The following NEK7 variants were observed in gnomAD, a reference collection of about 807,000 sequenced individuals.
NEK7 encodes NIMA related kinase 7, also known as serine/threonine-protein kinase Nek7.
A neutral mutation model predicts 44.6 loss-of-function variants in NEK7; 18 were observed. The ratio of observed to expected loss-of-function variants is 0.40; its 90% confidence interval spans 0.28 to 0.60. NEK7 has a LOEUF of 0.60. NEK7 is among the 20% of genes least tolerant of loss of function. NEK7 has a pLI of 0.38. For synonymous variants in NEK7, 130 were observed against 121.1 expected (o/e 1.07, Z -0.48); for missense variants, 256 against 366.5 (o/e 0.70, Z 2.46).
At chr1:198,172,056 G>A (rs1664464857) in intron 1 of NEK7, among the ~76,000 whole-genome samples, 1 of 152,120 alleles carries the variant, frequency 6.6e-6, no homozygotes, top group Non-Finnish European at 1.5e-5. Context: ...AGTTCTTTTT[G>A]TATTCCCAGC....
chr1:198,193,124 A>C (rs977786383), intron 1 of NEK7, among the ~76,000 whole-genome samples: 2 of 152,090 alleles, frequency 1.3e-5, no homozygotes, highest in Non-Finnish European at 2.9e-5. Flanking sequence ...AATAAGGGGA[A>C]TATCACCACT....
intron 1 of NEK7, among the ~76,000 whole-genome samples, chr1:198,169,603 T>C (rs1249499896): frequency 6.6e-6 from 1 of 151,890 alleles, no homozygotes; most frequent in Admixed American, 6.6e-5. Flanking sequence ...TTTTTTTTTT[T>C]TTGGAAAATT....
intron 9 of NEK7, among the ~76,000 whole-genome samples, chr1:198,312,057 C>A (rs1404557563): frequency 6.6e-6 from 1 of 152,156 alleles, no homozygotes; most frequent in East Asian, 1.9e-4. Context: ...GGCTGTAAAT[C>A]CATCTGGTCC....
Position 198,320,402 on chromosome 1 carries a change from G to A in NEK7, c.*880G>A, listed in dbSNP as rs944203728. On this transcript the variant is annotated 3_prime_UTR_variant, in exon 10 of 10. Transcript: ENST00000367385. ...TTTAAGTGCATTTTAACTCATAATT[G>A]TACACTATAATATAAGCCTAAGTTT... 11 of 151,900 alleles carry A rather than the reference G, an allele frequency of 7.2e-5. No individual in the cohort carries two copies. Among genetic ancestry groups the A allele is most frequent in the African/African-American group, 2.7e-4 (11 of 41,346 alleles). The allele number at this position is 151,900 out of a possible 1,614,324, so 9.4% of individuals were successfully genotyped here.
At chr1:198,292,845 GGT>G in intron 7 of NEK7, 98 bp from the exon 8 acceptor site, 1 of 735,962 alleles carries the variant, frequency 1.4e-6, no homozygotes, top group Non-Finnish European at 2.4e-6. Flanking sequence ...GAATTATTTT[GGT>G]GATGTTTTTA....
intron 2 of NEK7, among the ~76,000 whole-genome samples, chr1:198,251,212 C>A (rs888703048): frequency 2.6e-5 from 4 of 151,876 alleles, no homozygotes; most frequent in African/African-American, 4.8e-5. Flanking sequence ...AGCCTTGCAT[C>A]CCAGTGATGA....
intron 1 of NEK7, among the ~76,000 whole-genome samples, chr1:198,188,097 C>T (rs955786202): frequency 2.6e-5 from 4 of 152,138 alleles, no homozygotes; most frequent in Non-Finnish European, 5.9e-5. Flanking sequence ...TTAGGGAATC[C>T]TTGTTTTAAT....
chr1:198,306,056 C>G lies in NEK7; in HGVS notation c.798+8816C>G, dbSNP rs146886211. 4.7e-3 allele frequency among the ~76,000 whole-genome samples: 708 copies of G among 152,196 alleles called. 9 individuals are homozygous for G. Among genetic ancestry groups the G allele is most frequent in the African/African-American group, 0.016 (684 of 41,510 alleles). On this transcript the variant is annotated intron_variant, in intron 9 of 9. Coordinates refer to ENST00000367385, the MANE Select transcript of NEK7 (RefSeq NM_133494.3). ...CAAATCCAGGCTTTGCCCCTTATGCCTTTGTGGCCTTAGGAATGTTACTAC... is the reference window on the plus strand; with the variant it reads ...CAAATCCAGGCTTTGCCCCTTATGCGTTTGTGGCCTTAGGAATGTTACTAC...
At chr1:198,199,788 T>C (rs1326339465) in intron 1 of NEK7, among the ~76,000 whole-genome samples, 3 of 152,176 alleles carry the variant, frequency 2.0e-5, no homozygotes, top group African/African-American at 7.2e-5. Flanking sequence ...GTGTTTCTTT[T>C]TCATCTTTCA....
chr1:198,295,769 A>G (rs1654698524), intron 8 of NEK7, among the ~76,000 whole-genome samples: 1 of 151,276 alleles, frequency 6.6e-6, no homozygotes, highest in Non-Finnish European at 1.5e-5. Flanking sequence ...TTTTAAGGTA[A>G]GATCTTAAAG....
chr1:198,191,865 A>C (rs541610255), intron 1 of NEK7, among the ~76,000 whole-genome samples: 1 of 152,158 alleles, frequency 6.6e-6, no homozygotes, highest in African/African-American at 2.4e-5. Flanking sequence ...ATAACCAGCT[A>C]TCCTGATACC....
intron 1 of NEK7, among the ~76,000 whole-genome samples, chr1:198,231,086 G>T (rs1015647562): frequency 6.6e-6 from 1 of 151,104 alleles, no homozygotes; most frequent in African/African-American, 2.4e-5. Flanking sequence ...AATCAGACAC[G>T]TAATTAAGTA....
At chr1:198,306,566 A>G (rs1251409909) in intron 9 of NEK7, among the ~76,000 whole-genome samples, 1 of 152,170 alleles carries the variant, frequency 6.6e-6, no homozygotes, top group African/African-American at 2.4e-5. Context: ...TCATGATGGC[A>G]GGAGCACAAA....
chr1:198,277,094 C>G (rs1401776891), intron 5 of NEK7, among the ~76,000 whole-genome samples: 2 of 151,622 alleles, frequency 1.3e-5, no homozygotes, highest in Non-Finnish European at 3.0e-5. Flanking sequence ...ATGCAATATT[C>G]ATGTTGGTCA....
At position 198,176,985 on chromosome 1, in the gene NEK7, A is replaced by G. The variant is rs577170725; in HGVS notation, c.-29+19709A>G. On this transcript the variant is annotated intron_variant, in intron 1 of 9. Transcript: ENST00000367385. ...ACAGGTTTATAAATCGTCAGTATGT[A>G]GGAGGCAGGTTATGTCCAGCTGAAA... Among the ~76,000 whole-genome samples the G allele has an allele frequency of 7.9e-5, 12 of 152,268 alleles. No individual in the cohort carries two copies. In the East Asian group the frequency reaches 1.7e-3, roughly 22 times the overall value.
intron 1 of NEK7, among the ~76,000 whole-genome samples, chr1:198,192,709 G>A (rs936520599): frequency 1.3e-5 from 2 of 152,150 alleles, no homozygotes; most frequent in African/African-American, 2.4e-5. Context: ...GCTCCTGAAT[G>A]ACTCCTGGGT....
At chr1:198,305,941 G>T (rs1245309346) in intron 9 of NEK7, among the ~76,000 whole-genome samples, 1 of 152,116 alleles carries the variant, frequency 6.6e-6, no homozygotes, top group African/African-American at 2.4e-5. Context: ...GGCCGTGAGG[G>T]ACCCTGCAGA....
chr1:198,246,337 A>G (rs1461746179), intron 2 of NEK7, among the ~76,000 whole-genome samples: 3 of 152,230 alleles, frequency 2.0e-5, no homozygotes, highest in African/African-American at 4.8e-5. Context: ...AGCAGATGAG[A>G]CAAGCTGTCA....
At chr1:198,189,566 G>C (rs1040863202) in intron 1 of NEK7, among the ~76,000 whole-genome samples, 18 of 152,034 alleles carry the variant, frequency 1.2e-4, no homozygotes, top group African/African-American at 4.3e-4. Context: ...TTTTCGGCCT[G>C]GGTTGAACAA....
Sources: allele counts gnomAD v4.1 joint callset (sites outside exome capture counted in the v4.1 genomes callset), GRCh38; gene constraint gnomAD v4.1.1; transcripts MANE v1.5; gene names NCBI Gene and HGNC (gene_info 2026-07-23, HGNC 2026-07-21).